The following WNT2B variants were observed in gnomAD, a reference collection of about 807,000 sequenced individuals.
The protein encoded by WNT2B is Wnt family member 2B.
WNT2B carries 19 observed loss-of-function variants against 40.5 expected under a neutral mutation model. The observed-to-expected ratio is 0.47, with a 90% CI of 0.33 to 0.69. WNT2B has a LOEUF of 0.69. Ranked by LOEUF, WNT2B falls within the 30% of genes least tolerant of loss-of-function variation. WNT2B has a pLI of 0.02. For missense variants in WNT2B, 467 were observed against 556.4 expected (o/e 0.84, Z 1.62); for synonymous variants, 220 against 211.9 (o/e 1.04, Z -0.33).
chr1:112,506,000 T>G (rs1309834600), upstream of WNT2B, among the ~76,000 whole-genome samples: 1 of 151,914 alleles, frequency 6.6e-6, no homozygotes, highest in Non-Finnish European at 1.5e-5. Context: ...GCTTTAAAAT[T>G]TTTTTTATTT....
At chr1:112,513,544 A>AG (rs1224061487) in intron 1 of WNT2B, among the ~76,000 whole-genome samples, 2 of 3,728 alleles carry the variant, frequency 5.4e-4, no homozygotes, top group African/African-American at 4.0e-3. Flanking sequence ...GTGGGAATGC[A>AG]GGGGGGTGGT....
chr1:112,512,805 A>C (rs1161689384), intron 1 of WNT2B, among the ~76,000 whole-genome samples: 2 of 152,198 alleles, frequency 1.3e-5, no homozygotes, highest in Non-Finnish European at 2.9e-5. Context: ...GGCTCCCTAC[A>C]CTAACTACAA....
Position 112,516,432 on chromosome 1 carries a change from CTG to C in WNT2B, c.681+19_681+20del. On this transcript the variant is annotated intron_variant, in intron 3 of 4. Transcript: ENST00000369684. ...GTGGTCGCACGGTCAGTACTCATGTCTGTGTAAGTACACTCATATTTGCTGGG... is the reference window on the plus strand; with the variant it reads ...GTGGTCGCACGGTCAGTACTCATGTCTGTAAGTACACTCATATTTGCTGGG... 6.2e-7 allele frequency: 1 copy of C among 1,601,214 alleles called. No homozygotes were observed. The highest frequency in any genetic ancestry group is 8.5e-7 in the Non-Finnish European group (1 of 1,173,034).
At chr1:112,518,857 T>C (rs1012693785) in intron 4 of WNT2B, among the ~76,000 whole-genome samples, 9 of 152,316 alleles carry the variant, frequency 5.9e-5, no homozygotes, top group East Asian at 5.8e-4. Flanking sequence ...TAGAGTCCAA[T>C]TGAACTTTCT....
chr1:112,491,402 G>A lies in WNT2B; in HGVS notation c.-94-23472G>A, dbSNP rs147267688. Among the ~76,000 whole-genome samples the A allele has an allele frequency of 2.4e-3, 360 of 152,198 alleles. 1 individual carries two copies. The highest frequency in any genetic ancestry group is 8.1e-3 in the African/African-American group (337 of 41,516). On this transcript the variant is annotated intron_variant, in intron 1 of 4. Transcript: ENST00000256640. ...AGCCTGGGCAACAGAGCAAGACTCCGTCTCAATAAATAAATAAATAAGTCA... is the reference window on the plus strand; with the variant it reads ...AGCCTGGGCAACAGAGCAAGACTCCATCTCAATAAATAAATAAATAAGTCA...
At chr1:112,489,494 G>A (rs2488784) in intron 1 of WNT2B, among the ~76,000 whole-genome samples, 55 of 152,192 alleles carry the variant, frequency 3.6e-4, no homozygotes, top group African/African-American at 1.1e-3. Context: ...AACCCAGGAG[G>A]TGGAGGCTGC....
At chr1:112,485,839 T>C (rs1354514030) in intron 1 of WNT2B, among the ~76,000 whole-genome samples, 1 of 152,208 alleles carries the variant, frequency 6.6e-6, no homozygotes, top group Non-Finnish European at 1.5e-5. Flanking sequence ...TCTCTTAATA[T>C]ACCAAAAGCA....
intron 4 of WNT2B, among the ~76,000 whole-genome samples, chr1:112,519,872 CTTTTTT>C (rs71081244): frequency 4.3e-5 from 5 of 115,648 alleles, no homozygotes; most frequent in African/African-American, 9.5e-5. Flanking sequence ...GCCCATGCTT[CTTTTTT>C]TTTTTTTTTT....
At chr1:112,508,317 C>A (rs984398308), upstream of WNT2B, among the ~76,000 whole-genome samples, 1 of 150,862 alleles carries the variant, frequency 6.6e-6, no homozygotes, top group African/African-American at 2.4e-5. The surrounding 1 kb of genome is among the most constrained non-coding windows in gnomAD (Gnocchi z 4.2). Context: ...GATTCCCGGT[C>A]CGTAAAGAAA....
At chr1:112,517,521 C>A in intron 4 of WNT2B, 136 bp downstream of exon 4, 2 of 1,155,620 alleles carry the variant, frequency 1.7e-6, no homozygotes, top group Non-Finnish European at 1.2e-6. Context: ...TCCACATGAA[C>A]ACCTGGTCAT....
chr1:112,479,879 T>C (rs1651170282), intron 1 of WNT2B, among the ~76,000 whole-genome samples: 1 of 151,424 alleles, frequency 6.6e-6, no homozygotes, highest in South Asian at 2.1e-4. Context: ...CCCGACTAAT[T>C]TTCTGTATTT....
upstream of WNT2B, among the ~76,000 whole-genome samples, chr1:112,507,214 C>T (rs1192320385): frequency 1.3e-5 from 2 of 152,156 alleles, no homozygotes; most frequent in Non-Finnish European, 2.9e-5. Flanking sequence ...TGACTGTGCT[C>T]TCTTTACCAC....
intron 1 of WNT2B, among the ~76,000 whole-genome samples, chr1:112,496,908 C>T (rs1476388917): frequency 6.6e-6 from 1 of 152,168 alleles, no homozygotes. Flanking sequence ...CCAGGACTTA[C>T]ATTTCTAGTC....
At chr1:112,508,729 G>T (rs149728408), upstream of WNT2B, 1,698 of 986,020 alleles carry the variant, frequency 1.7e-3, 27 homozygotes, top group African/African-American at 0.026. This position sits in a 1 kb window ranked among gnomAD's most constrained non-coding sequence, Gnocchi z 4.2. Flanking sequence ...GCAGGGACTG[G>T]GCGCTTGGGG....
rs1203029924 is a variant in WNT2B at position 112,509,227 on chromosome 1, C to G, written c.-36C>G. 16 of 1,481,034 alleles carry G rather than the reference C, an allele frequency of 1.1e-5. No individual in the cohort carries two copies. Among genetic ancestry groups the G allele is most frequent in the Middle Eastern group, 2.4e-4 (1 of 4,186 alleles). The allele number at this position is 1,481,034 out of a possible 1,614,324, so 91.7% of individuals were successfully genotyped here. ...CCCCCAGAAGGTGCCCCGTCCACGCCCCTCCGGGCTGCGCGGCGGGAGTCT... is the reference window on the plus strand; with the variant it reads ...CCCCCAGAAGGTGCCCCGTCCACGCGCCTCCGGGCTGCGCGGCGGGAGTCT... On this transcript the variant is annotated 5_prime_UTR_variant, in exon 1 of 5. Coordinates refer to ENST00000369684, the MANE Select transcript of WNT2B (RefSeq NM_024494.3). This position sits in a 1 kb window ranked among gnomAD's most constrained non-coding sequence, Gnocchi z 4.2.
At chr1:112,519,872 C>CTTTTTTTT (rs71081244) in intron 4 of WNT2B, among the ~76,000 whole-genome samples, 6 of 115,628 alleles carry the variant, frequency 5.2e-5, no homozygotes, top group Admixed American at 1.9e-4. Flanking sequence ...GCCCATGCTT[C>CTTTTTTTT]TTTTTTTTTT....
At position 112,509,484 on chromosome 1, in the gene WNT2B, T is replaced by G; in HGVS notation, c.182+40T>G. ...CAGGCTGGGCGGGTGAGGCGCTTGG[T>G]AGGAGAGGCCGGAGGCGCCTGGAGG... On this transcript the variant is annotated intron_variant, in intron 1 of 4. Coordinates refer to ENST00000369684, the MANE Select transcript of WNT2B (RefSeq NM_024494.3). This position sits in a 1 kb window ranked among gnomAD's most constrained non-coding sequence, Gnocchi z 4.2. 6.5e-7 allele frequency: 1 copy of G among 1,531,360 alleles called. No homozygotes were observed. Among genetic ancestry groups the G allele is most frequent in the Non-Finnish European group, 8.6e-7 (1 of 1,156,316 alleles). 94.9% of individuals were successfully genotyped at this position (1,531,360 alleles called of 1,614,324 possible). A position where few individuals can be genotyped will look rare whatever the true frequency, so the allele number is the denominator to read the frequency against.
At chr1:112,513,536 G>A (rs2101086992) in intron 1 of WNT2B, among the ~76,000 whole-genome samples, 1 of 150,930 alleles carries the variant, frequency 6.6e-6, no homozygotes, top group Admixed American at 6.6e-5. Flanking sequence ...GGCCGGCTGT[G>A]GGAATGCAGG....
chr1:112,515,068 C>G lies in WNT2B; in HGVS notation c.377C>G (p.Thr126Ser), dbSNP rs763018977. ...WNCTTLDRDH[T>S]VFGRVMLRSS... Reference sequence around the variant, plus strand: ...TGTACCACCCTGGACCGGGACCACACCGTCTTTGGCCGTGTCATGCTCAGA... The same window carrying G: ...TGTACCACCCTGGACCGGGACCACAGCGTCTTTGGCCGTGTCATGCTCAGA... Residue 126 changes from threonine to serine, a missense_variant, in exon 2 of 5, where the codon ACC (threonine) becomes AGC (serine). Around this residue, in one of 2 missense-constraint regions of WNT2B, gnomAD observed 330 missense variants for 438.6 expected, o/e 0.75. Transcript: ENST00000369684. This position sits in a 1 kb window ranked among gnomAD's most constrained non-coding sequence, Gnocchi z 4.4. 77 of 1,614,070 alleles carry G rather than the reference C, an allele frequency of 4.8e-5. No individual in the cohort carries two copies. Among genetic ancestry groups the G allele is most frequent in the Non-Finnish European group, 6.4e-5 (75 of 1,180,038 alleles).
Sources: gnomAD v4.1 joint callset for allele counts (sites outside exome capture counted in the v4.1 genomes callset) on GRCh38, gnomAD v4.1.1 for gene constraint, gnomAD v4.1.1 regional missense constraint, Gnocchi (gnomAD v3.1) non-coding constraint, MANE v1.5 for transcripts, NCBI Gene and HGNC (gene_info 2026-07-23, HGNC 2026-07-21) for gene names.